Variants in CAMK1D observed in about 807,000 individuals in gnomAD.
The protein encoded by CAMK1D is calcium/calmodulin-dependent protein kinase type 1D.
In CAMK1D, 9 loss-of-function variants were observed where a neutral mutation model predicts 47.7. That is an observed-to-expected ratio of 0.19 (90% CI 0.11 to 0.33). The LOEUF (loss-of-function observed/expected upper bound fraction) is 0.33, where lower values mean the gene tolerates loss of function less well. Ranked by LOEUF, CAMK1D falls within the 10% of genes least tolerant of loss-of-function variation. CAMK1D has a pLI of 1.00. For synonymous variants in CAMK1D, 184 were observed against 184.9 expected, an observed-to-expected ratio of 0.99 and a Z score of 0.04; for missense variants, 291 against 488.7, an observed-to-expected ratio of 0.60 and a Z score of 3.81.
chr10:12,742,395 A>G (rs1212543878), intron 3 of CAMK1D, among the ~76,000 whole-genome samples: 1 of 152,340 alleles, frequency 6.6e-6, no homozygotes, highest in African/African-American at 2.4e-5. Flanking sequence ...TTGGCCTCCC[A>G]AAGTGCTGGG....
intron 1 of CAMK1D, among the ~76,000 whole-genome samples, chr10:12,423,333 G>C (rs1279518631): frequency 6.6e-6 from 1 of 152,136 alleles, no homozygotes; most frequent in Non-Finnish European, 1.5e-5. Context: ...GGGCAACAAA[G>C]TGAGACCCCA....
intron 1 of CAMK1D, among the ~76,000 whole-genome samples, chr10:12,529,810 A>T (rs1835747129): frequency 6.6e-6 from 1 of 152,104 alleles, no homozygotes; most frequent in South Asian, 2.1e-4. Flanking sequence ...TATTGTAATG[A>T]TTTTTTTCCA....
intron 6 of CAMK1D, among the ~76,000 whole-genome samples, chr10:12,797,780 C>T (rs1247163353): frequency 2.0e-5 from 3 of 152,156 alleles, no homozygotes; most frequent in Non-Finnish European, 4.4e-5. Context: ...TTGTGAGTCC[C>T]TGCAGCTTTA....
At chr10:12,737,309 C>T (rs892718263) in intron 3 of CAMK1D, among the ~76,000 whole-genome samples, 1 of 152,116 alleles carries the variant, frequency 6.6e-6, no homozygotes, top group Non-Finnish European at 1.5e-5. Flanking sequence ...CCCATTATTT[C>T]CCCTAACCTG....
intron 1 of CAMK1D, among the ~76,000 whole-genome samples, chr10:12,391,515 C>T (rs538196036): frequency 8.1e-5 from 12 of 147,894 alleles, no homozygotes; most frequent in East Asian, 7.9e-4. Flanking sequence ...TCATGCTGAC[C>T]GTTTTTTTTA....
intron 1 of CAMK1D, among the ~76,000 whole-genome samples, chr10:12,525,226 G>C (rs200672176): frequency 6.6e-6 from 1 of 152,204 alleles, no homozygotes; most frequent in East Asian, 1.9e-4. Flanking sequence ...AGTTTATTTT[G>C]CTTGGGATTT....
At chr10:12,574,899 C>G (rs1223103088) in intron 2 of CAMK1D, among the ~76,000 whole-genome samples, 5 of 151,970 alleles carry the variant, frequency 3.3e-5, no homozygotes, top group Non-Finnish European at 4.4e-5. Context: ...CTTCTAACAA[C>G]CAGATCTCAC....
chr10:12,813,730 A>G (rs763463736), intron 6 of CAMK1D, among the ~76,000 whole-genome samples: 3 of 151,952 alleles, frequency 2.0e-5, no homozygotes, highest in South Asian at 2.1e-4. Flanking sequence ...TTTGCAACAC[A>G]CGCGGTACAG....
At chr10:12,481,799 C>T (rs1277155912) in intron 1 of CAMK1D, among the ~76,000 whole-genome samples, 2 of 152,188 alleles carry the variant, frequency 1.3e-5, no homozygotes, top group Admixed American at 6.5e-5. Flanking sequence ...TAGGCCACCA[C>T]GCCTGGCCTA....
chr10:12,398,088 C>T (rs1369932686), intron 1 of CAMK1D, among the ~76,000 whole-genome samples: 1 of 152,136 alleles, frequency 6.6e-6, no homozygotes, highest in Non-Finnish European at 1.5e-5. Flanking sequence ...TGAAATAAAA[C>T]AGTTACATCA....
intron 1 of CAMK1D, among the ~76,000 whole-genome samples, chr10:12,437,993 A>G (rs1037812704): frequency 3.3e-5 from 5 of 152,218 alleles, no homozygotes; most frequent in Non-Finnish European, 5.9e-5. Context: ...CACAGACCCA[A>G]ATTCCAGAAT....
chr10:12,428,987 G>C (rs1180803485), intron 1 of CAMK1D, among the ~76,000 whole-genome samples: 3 of 152,210 alleles, frequency 2.0e-5, no homozygotes, highest in African/African-American at 7.2e-5. Flanking sequence ...GGAAGTCAAT[G>C]TGTGGTTTAT....
In CAMK1D at chr10:12,506,857, G is replaced by C. The variant is rs565593433; in HGVS notation, c.93-46368G>C. 4.3e-3 allele frequency among the ~76,000 whole-genome samples: 653 copies of C among 152,282 alleles called. 6 individuals carry two copies. The highest frequency in any genetic ancestry group is 6.8e-3 in the Middle Eastern group (2 of 294). On this transcript the variant is annotated intron_variant, in intron 1 of 10. Transcript: ENST00000619168. ...CCCACCTAGCCCTTGGTGCCCCCGA[G>C]CCCGAGGGTAGGACCTGCCAACCTC... is the stretch of plus-strand genomic sequence containing the variant.
chr10:12,563,700 G>GAGAGAGAGAGAGAGA (rs1564414542), intron 2 of CAMK1D, among the ~76,000 whole-genome samples: 51 of 85,188 alleles, frequency 6.0e-4, no homozygotes, highest in South Asian at 1.3e-3. Context: ...AGAGAGAGAG[G>GAGAGAGAGAGAGAGA]GAGAGAGAGG....
At chr10:12,751,035 G>A (rs191936870) in intron 3 of CAMK1D, among the ~76,000 whole-genome samples, 2 of 151,406 alleles carry the variant, frequency 1.3e-5, no homozygotes, top group African/African-American at 2.4e-5. Context: ...CCTGGGTGAC[G>A]GAGCCCGTCT....
At chr10:12,749,296 C>G (rs1281949245) in intron 3 of CAMK1D, among the ~76,000 whole-genome samples, 1 of 151,656 alleles carries the variant, frequency 6.6e-6, no homozygotes, top group Non-Finnish European at 1.5e-5. Flanking sequence ...AACATTAAGG[C>G]TAGTGCATAC....
At chr10:12,724,584 A>G (rs765823337) in intron 3 of CAMK1D, among the ~76,000 whole-genome samples, 1 of 152,354 alleles carries the variant, frequency 6.6e-6, no homozygotes, top group Admixed American at 6.5e-5. Flanking sequence ...AAAGAAAGCA[A>G]GTGAATACAT....
At chr10:12,818,666 G>T (rs1451238832) in intron 8 of CAMK1D, among the ~76,000 whole-genome samples, 1 of 134,232 alleles carries the variant, frequency 7.4e-6, no homozygotes, top group Non-Finnish European at 1.5e-5. Flanking sequence ...GCGAGACTCT[G>T]TCCCAAAAAA....
At chr10:12,433,920 T>A (rs190834858) in intron 1 of CAMK1D, among the ~76,000 whole-genome samples, 32 of 152,314 alleles carry the variant, frequency 2.1e-4, no homozygotes, top group Non-Finnish European at 4.0e-4. Flanking sequence ...CTGTCTGGAT[T>A]TAGTTGCATC....
Sources: allele counts gnomAD v4.1 joint callset (sites outside exome capture counted in the v4.1 genomes callset), GRCh38; gene constraint gnomAD v4.1.1; transcripts MANE v1.5; gene names NCBI Gene and HGNC (gene_info 2026-07-23, HGNC 2026-07-21).